DOCK1: variants seen among roughly 807,000 people sequenced by gnomAD.
DOCK1 encodes dedicator of cytokinesis protein 1.
DOCK1 carries 138 observed loss-of-function variants against 262.7 expected under a neutral mutation model. The ratio of observed to expected loss-of-function variants is 0.53; its 90% confidence interval spans 0.46 to 0.61. The LOEUF (loss-of-function observed/expected upper bound fraction) is 0.61, where lower values mean the gene tolerates loss of function less well. Among genes scored for constraint, DOCK1 ranks in the 20% least tolerant of loss-of-function variants. DOCK1 has a pLI of 0.00. For synonymous variants in DOCK1, 866 were observed against 867.4 expected (o/e 1.00, Z 0.03); for missense variants, 1,908 against 2,370.7 (o/e 0.80, Z 4.05).
intron 29 of DOCK1, among the ~76,000 whole-genome samples, chr10:127,292,944 G>T (rs1055149382): frequency 1.3e-5 from 2 of 152,146 alleles, no homozygotes; most frequent in African/African-American, 4.8e-5. Flanking sequence ...GGGGTGGGAA[G>T]TCCCCACTTG....
chr10:127,161,265 A>G (rs890446446), intron 27 of DOCK1, among the ~76,000 whole-genome samples: 1 of 152,230 alleles, frequency 6.6e-6, no homozygotes, highest in African/African-American at 2.4e-5. Context: ...ATTTGAGGGA[A>G]CAGCCAATTT....
chr10:127,040,757 C>A (rs2135615549), intron 19 of DOCK1, among the ~76,000 whole-genome samples: 1 of 152,238 alleles, frequency 6.6e-6, no homozygotes, highest in Admixed American at 6.5e-5. Context: ...TTTTATTTTT[C>A]TTTAAATTAC....
At chr10:126,942,930 C>CT (rs1434648792) in intron 1 of DOCK1, among the ~76,000 whole-genome samples, 2 of 152,180 alleles carry the variant, frequency 1.3e-5, no homozygotes, top group Non-Finnish European at 2.9e-5. Flanking sequence ...ATATTGATTT[C>CT]TTTTTCTTGT....
chr10:127,423,130 C>T (rs896021375), intron 46 of DOCK1, among the ~76,000 whole-genome samples: 8 of 152,016 alleles, frequency 5.3e-5, no homozygotes, highest in African/African-American at 1.5e-4. Flanking sequence ...TTGGAAAACC[C>T]GTATCTTGGT....
chr10:126,933,796 T>C (rs1344815714), intron 1 of DOCK1, among the ~76,000 whole-genome samples: 2 of 152,210 alleles, frequency 1.3e-5, no homozygotes, highest in Non-Finnish European at 2.9e-5. Flanking sequence ...ATTGATCTTA[T>C]AATAGTGAAT....
intron 29 of DOCK1, among the ~76,000 whole-genome samples, chr10:127,272,971 T>G (rs2060622509): frequency 6.6e-6 from 1 of 152,134 alleles, no homozygotes. Flanking sequence ...ATGTGGGAAT[T>G]CAAGATGAGA....
chr10:127,158,528 G>A (rs1007008450), intron 27 of DOCK1, among the ~76,000 whole-genome samples: 4 of 152,120 alleles, frequency 2.6e-5, no homozygotes, highest in African/African-American at 9.7e-5. Flanking sequence ...AACTCCATGC[G>A]TGATACAATA....
intron 27 of DOCK1, among the ~76,000 whole-genome samples, chr10:127,155,272 T>C: frequency 6.6e-6 from 1 of 152,198 alleles, no homozygotes; most frequent in East Asian, 1.9e-4. Flanking sequence ...ACATCAACAT[T>C]TGACAAAAGG....
intron 37 of DOCK1, among the ~76,000 whole-genome samples, chr10:127,384,440 G>A (rs1469311790): frequency 1.3e-5 from 2 of 152,208 alleles, no homozygotes; most frequent in Non-Finnish European, 2.9e-5. Flanking sequence ...GCAGCACTGA[G>A]ACCAGAGCCC....
chr10:127,393,889 A>C (rs2066654280), intron 38 of DOCK1, among the ~76,000 whole-genome samples: 1 of 149,248 alleles, frequency 6.7e-6, no homozygotes, highest in African/African-American at 2.5e-5. Flanking sequence ...CTCCTTCCCG[A>C]GCTAATAATG....
At chr10:127,275,938 A>G (rs2135229333) in intron 29 of DOCK1, among the ~76,000 whole-genome samples, 1 of 152,358 alleles carries the variant, frequency 6.6e-6, no homozygotes, top group East Asian at 1.9e-4. Context: ...GCTAATGCCC[A>G]CGCATGGCGT....
Position 127,375,190 on chromosome 10 carries a change from C to T in DOCK1, c.3675+976C>T, listed in dbSNP as rs139184349. ...GAAGCTTTACCACAAGCTCAGATCC[C>T]GGCCAGCCTCATGGCTCTCAGCAGC... On this transcript the variant is annotated intron_variant, in intron 35 of 51. Transcript: ENST00000623213. Among the ~76,000 whole-genome samples, 529 of 152,322 alleles carry T rather than the reference C, an allele frequency of 3.5e-3. 5 individuals are homozygous for T. The highest frequency in any genetic ancestry group is 0.012 in the African/African-American group (492 of 41,580).
chr10:127,183,749 G>A lies in DOCK1; in HGVS notation c.2847+55985G>A, dbSNP rs868414265. On this transcript the variant is annotated intron_variant, in intron 27 of 51. Transcript: ENST00000623213. ...AACACAAAATGTCATTTTTGTTGGG[G>A]GGCTGGTGAAGAGAAAATAAACAAA... 1.6e-4 allele frequency among the ~76,000 whole-genome samples: 25 copies of A among 152,090 alleles called. No homozygotes were observed. In the Middle Eastern group the frequency reaches 0.017, roughly 103 times the overall value.
chr10:126,967,276 G>C (rs1381556143), intron 1 of DOCK1, among the ~76,000 whole-genome samples: 1 of 152,170 alleles, frequency 6.6e-6, no homozygotes, highest in East Asian at 1.9e-4. Flanking sequence ...AGGGGCAACT[G>C]TGAAAGGCCA....
chr10:127,357,132 T>A (rs1052526928), intron 32 of DOCK1, among the ~76,000 whole-genome samples: 1 of 152,198 alleles, frequency 6.6e-6, no homozygotes, highest in African/African-American at 2.4e-5. Context: ...GCTCTCCATG[T>A]GCCAAGGTCA....
At chr10:127,038,816 A>G (rs1237940336) in intron 19 of DOCK1, among the ~76,000 whole-genome samples, 3 of 152,174 alleles carry the variant, frequency 2.0e-5, no homozygotes, top group East Asian at 1.9e-4. Context: ...TTTCTGCAGT[A>G]TTAGGCTCTT....
At chr10:127,399,533 A>T (rs1565060699) in intron 38 of DOCK1, among the ~76,000 whole-genome samples, 2 of 150,528 alleles carry the variant, frequency 1.3e-5, no homozygotes, top group African/African-American at 2.5e-5. Flanking sequence ...CTGATAGAAG[A>T]TACCACCATG....
intron 44 of DOCK1, among the ~76,000 whole-genome samples, chr10:127,417,241 C>T (rs1227969417): frequency 6.6e-6 from 1 of 152,198 alleles, no homozygotes; most frequent in African/African-American, 2.4e-5. Flanking sequence ...GTCCCCGTGG[C>T]CCAGTGTGAG....
At chr10:126,999,511 C>T (rs1462232329) in intron 9 of DOCK1, 76 bp downstream of exon 9, 10 of 1,231,108 alleles carry the variant, frequency 8.1e-6, no homozygotes, top group Non-Finnish European at 1.2e-5. Flanking sequence ...TGTCTGCCTT[C>T]CTGCGACACT....
Sources: allele counts gnomAD v4.1 joint callset (sites outside exome capture counted in the v4.1 genomes callset), GRCh38; gene constraint gnomAD v4.1.1; transcripts MANE v1.5; gene names NCBI Gene and HGNC (gene_info 2026-07-23, HGNC 2026-07-21).